SOX5: variants seen among roughly 807,000 people sequenced by gnomAD.
The protein encoded by SOX5 is transcription factor SOX-5.
In SOX5, 9 loss-of-function variants were observed where a neutral mutation model predicts 92.0. That is an observed-to-expected ratio of 0.10 (90% CI 0.06 to 0.17). The LOEUF (loss-of-function observed/expected upper bound fraction) is 0.17, where lower values mean the gene tolerates loss of function less well. Among genes scored for constraint, SOX5 ranks in the 10% least tolerant of loss-of-function variants. The pLI, the probability that SOX5 is intolerant of heterozygous loss-of-function variation, is 1.00. For synonymous variants in SOX5, 344 were observed against 336.3 expected, an observed-to-expected ratio of 1.02 and a Z score of -0.25; for missense variants, 642 against 944.5, an observed-to-expected ratio of 0.68 and a Z score of 4.20.
chr12:23,640,963 T>C (rs1206462683), intron 7 of SOX5, 66 bp from the exon 8 acceptor site: 11 of 1,064,514 alleles, frequency 1.0e-5, no homozygotes, highest in South Asian at 5.5e-5. Context: ...ATTAAACTCA[T>C]GCATTCACTC....
chr12:23,590,780 G>A (rs781280261), intron 9 of SOX5, among the ~76,000 whole-genome samples: 6 of 152,028 alleles, frequency 3.9e-5, no homozygotes, highest in Non-Finnish European at 7.4e-5. Context: ...AATTCTAGAA[G>A]GCTCATCTGT....
intron 6 of SOX5, among the ~76,000 whole-genome samples, chr12:23,721,788 G>A (rs2092830202): frequency 6.6e-6 from 1 of 152,230 alleles, no homozygotes; most frequent in Admixed American, 6.5e-5. Flanking sequence ...AAATAGTTAA[G>A]AGATTATACA....
At chr12:24,287,270 T>C (rs1012602831) in intron 2 of SOX5, among the ~76,000 whole-genome samples, 2 of 152,204 alleles carry the variant, frequency 1.3e-5, no homozygotes, top group Admixed American at 6.5e-5. Flanking sequence ...AAAACACATG[T>C]AACATCAGAA....
At chr12:23,797,159 T>C (rs979082720) in intron 3 of SOX5, among the ~76,000 whole-genome samples, 1 of 151,886 alleles carries the variant, frequency 6.6e-6, no homozygotes, top group African/African-American at 2.4e-5. Context: ...TCCTCTTCTT[T>C]TGGTACCTTA....
chr12:23,558,921 T>C (rs1945721746), intron 11 of SOX5, among the ~76,000 whole-genome samples: 1 of 152,186 alleles, frequency 6.6e-6, no homozygotes, highest in African/African-American at 2.4e-5. Flanking sequence ...CTATCTAAGC[T>C]ACTACATTCA....
At chr12:24,358,236 T>C (rs1955102016) in intron 2 of SOX5, among the ~76,000 whole-genome samples, 1 of 152,238 alleles carries the variant, frequency 6.6e-6, no homozygotes, top group African/African-American at 2.4e-5. Flanking sequence ...TCAATAATTA[T>C]AGATACTACA....
chr12:23,679,707 C>T (rs2086273436), intron 6 of SOX5, among the ~76,000 whole-genome samples: 1 of 152,006 alleles, frequency 6.6e-6, no homozygotes, highest in African/African-American at 2.4e-5. Context: ...TAGAATAACC[C>T]AGTTCAGTAT....
rs1275160544 is a variant in SOX5, at chr12:24,026,438, T to C, written c.-1-130414A>G. 3.3e-5 allele frequency among the ~76,000 whole-genome samples: 5 copies of C among 151,698 alleles called. No individual in the cohort carries two copies. The East Asian group carries it at 9.7e-4, about 29-fold the overall frequency. Reference sequence around the variant, plus strand: ...GGTGAGGCCTTGACCATAGAGAAGATGTTAACCCTGGCTATGAATGTTAAA... The same window carrying C: ...GGTGAGGCCTTGACCATAGAGAAGACGTTAACCCTGGCTATGAATGTTAAA... On this transcript the variant is annotated intron_variant, in intron 4 of 4. Coordinates refer to the SOX5 transcript ENST00000446891.
rs1956209751 is a variant in SOX5, at chr12:24,038,046, G to A, written c.-1-142022C>T. Among the ~76,000 whole-genome samples the A allele has an allele frequency of 2.6e-5, 4 of 152,138 alleles. 1 individual carries two copies. The highest frequency in any genetic ancestry group is 2.6e-4 in the Admixed American group (4 of 15,266). On this transcript the variant is annotated intron_variant, in intron 4 of 4. Transcript: ENST00000446891. ...TTCCCCAGAAAGACATACAAAAGGGGAAAAGAGTAGAAACCAAGATTTAAA... is the reference window on the plus strand; with the variant it reads ...TTCCCCAGAAAGACATACAAAAGGGAAAAAGAGTAGAAACCAAGATTTAAA...
At chr12:23,696,201 G>A (rs1276908624) in intron 6 of SOX5, among the ~76,000 whole-genome samples, 1 of 151,626 alleles carries the variant, frequency 6.6e-6, no homozygotes, top group African/African-American at 2.4e-5. Context: ...TATAAAATTG[G>A]CATTTTTTTT....
At chr12:23,952,583 A>G (rs1945794663), upstream of SOX5, among the ~76,000 whole-genome samples, 1 of 152,238 alleles carries the variant, frequency 6.6e-6, no homozygotes, top group South Asian at 2.1e-4. Flanking sequence ...TGACTTCAAT[A>G]TATTCTGCAA....
chr12:23,837,323 A>ATT (rs2096441598), intron 3 of SOX5, among the ~76,000 whole-genome samples: 1 of 92,958 alleles, frequency 1.1e-5, no homozygotes, highest in African/African-American at 4.5e-5. Flanking sequence ...TTATATTTAT[A>ATT]TAATATATAA....
Position 23,589,139 on chromosome 12 carries a change from C to T in SOX5, c.1165-13301G>A, listed in dbSNP as rs1387219132. 5.9e-5 allele frequency among the ~76,000 whole-genome samples: 9 copies of T among 151,856 alleles called. No homozygotes were observed. In the South Asian group the frequency reaches 8.3e-4, roughly 14 times the overall value. On this transcript the variant is annotated intron_variant, in intron 9 of 14. Coordinates refer to ENST00000451604, the MANE Select transcript of SOX5 (RefSeq NM_006940.6). ...AATATATCCATACATATAACATAAA[C>T]GACTATGTCTTTGTATGGGTGGGAA...
intron 4 of SOX5, among the ~76,000 whole-genome samples, chr12:24,012,417 C>T (rs1953049225): frequency 6.6e-6 from 1 of 152,136 alleles, no homozygotes; most frequent in Non-Finnish European, 1.5e-5. Flanking sequence ...GGAAGTCCTA[C>T]TGTCTACAAT....
intron 2 of SOX5, among the ~76,000 whole-genome samples, chr12:23,882,606 G>A (rs951103916): frequency 4.6e-5 from 7 of 152,284 alleles, no homozygotes; most frequent in Admixed American, 2.6e-4. Context: ...ATTTATTGGA[G>A]TAAGTTGCAG....
intron 4 of SOX5, among the ~76,000 whole-genome samples, chr12:24,031,747 T>C (rs1350504720): frequency 6.6e-6 from 1 of 150,690 alleles, no homozygotes; most frequent in African/African-American, 2.4e-5. Context: ...GCATGCAGCA[T>C]GAAAAAAAAA....
intron 3 of SOX5, among the ~76,000 whole-genome samples, chr12:24,253,209 G>A (rs1266529955): frequency 1.0e-4 from 15 of 150,362 alleles, no homozygotes; most frequent in Admixed American, 7.3e-4. Flanking sequence ...TTGAGAAAAA[G>A]ATTAATATTT....
chr12:23,900,377 G>C (rs1005967795), intron 1 of SOX5, among the ~76,000 whole-genome samples: 1 of 152,152 alleles, frequency 6.6e-6, no homozygotes, highest in African/African-American at 2.4e-5. Flanking sequence ...GCTGAAGGCT[G>C]TCCATATGCC....
chr12:24,369,071 T>C (rs1051408013), intron 1 of SOX5, among the ~76,000 whole-genome samples: 1 of 152,172 alleles, frequency 6.6e-6, no homozygotes, highest in Non-Finnish European at 1.5e-5. Context: ...ATAATGTTGT[T>C]CAAAGGTTTA....
Sources: allele counts gnomAD v4.1 joint callset (sites outside exome capture counted in the v4.1 genomes callset), GRCh38; gene constraint gnomAD v4.1.1; transcripts MANE v1.5; gene names NCBI Gene and HGNC (gene_info 2026-07-23, HGNC 2026-07-21).